The following NOL4 variants were observed in gnomAD, a reference collection of about 807,000 sequenced individuals.
NOL4 encodes cancer/testis antigen 125.
In NOL4, 17 loss-of-function variants were observed where a neutral mutation model predicts 75.9. That is an observed-to-expected ratio of 0.22 (90% CI 0.15 to 0.34). NOL4 has a LOEUF of 0.34. NOL4 is among the 10% of genes least tolerant of loss of function. The pLI is 1.00. For missense variants in NOL4, 614 were observed against 793.5 expected (o/e 0.77, Z 2.72); for synonymous variants, 292 against 289.9 (o/e 1.01, Z -0.07).
At chr18:33,917,690 G>C (rs541844206) in intron 9 of NOL4, among the ~76,000 whole-genome samples, 1 of 151,986 alleles carries the variant, frequency 6.6e-6, no homozygotes, top group East Asian at 1.9e-4. Context: ...GCTTAGTAGA[G>C]ATGAGGTCTC....
intron 9 of NOL4, among the ~76,000 whole-genome samples, chr18:33,883,857 C>CA (rs35576184): frequency 6.6e-6 from 1 of 152,060 alleles, no homozygotes; most frequent in African/African-American, 2.4e-5. Context: ...AAGCCAACCA[C>CA]AAAAAAACAA....
At chr18:33,965,141 A>G (rs1297051181) in intron 6 of NOL4, among the ~76,000 whole-genome samples, 1 of 152,192 alleles carries the variant, frequency 6.6e-6, no homozygotes, top group Admixed American at 6.5e-5. Flanking sequence ...TAGAGATACA[A>G]GTTAAGATAT....
chr18:34,095,712 C>T, intron 4 of NOL4, among the ~76,000 whole-genome samples: 1 of 151,844 alleles, frequency 6.6e-6, no homozygotes, highest in East Asian at 1.9e-4. Flanking sequence ...ATGGAATATA[C>T]AATACATTCT....
At chr18:34,011,609 A>G (rs943163867) in intron 6 of NOL4, among the ~76,000 whole-genome samples, 5 of 151,848 alleles carry the variant, frequency 3.3e-5, no homozygotes, top group Non-Finnish European at 7.4e-5. Flanking sequence ...TCAAGTGGAA[A>G]AAGACAAGCA....
intron 5 of NOL4, among the ~76,000 whole-genome samples, chr18:34,077,767 T>G (rs984237388): frequency 2.0e-5 from 3 of 152,170 alleles, no homozygotes; most frequent in Non-Finnish European, 4.4e-5. Flanking sequence ...AAATTTGATA[T>G]CAGTAGACCT....
At chr18:34,213,406 C>A (rs1237325804) in intron 1 of NOL4, among the ~76,000 whole-genome samples, 3 of 152,204 alleles carry the variant, frequency 2.0e-5, no homozygotes, top group African/African-American at 7.2e-5. Context: ...TCTCCTACCC[C>A]AGCTTCCTGA....
At chr18:34,201,618 A>G (rs2035749369) in intron 1 of NOL4, among the ~76,000 whole-genome samples, 1 of 151,662 alleles carries the variant, frequency 6.6e-6, no homozygotes, top group Non-Finnish European at 1.5e-5. Context: ...GGTTTTTTTC[A>G]TGGTTTCTTT....
intron 1 of NOL4, among the ~76,000 whole-genome samples, chr18:34,193,489 C>A (rs534105237): frequency 1.3e-5 from 2 of 152,050 alleles, no homozygotes; most frequent in Non-Finnish European, 2.9e-5. Flanking sequence ...ATCAGGATAA[C>A]GCTCAAAATC....
chr18:34,085,084 T>C (rs1034112626), intron 5 of NOL4, among the ~76,000 whole-genome samples: 2 of 152,210 alleles, frequency 1.3e-5, no homozygotes, highest in African/African-American at 4.8e-5. Context: ...AAGTTGGAAA[T>C]GCAGGTGGTC....
intron 1 of NOL4, among the ~76,000 whole-genome samples, chr18:34,209,194 C>CAAAA (rs777403436): frequency 5.3e-5 from 3 of 56,426 alleles, no homozygotes; most frequent in Middle Eastern, 0.011. Flanking sequence ...ACTCTGTCTC[C>CAAAA]AAAAAAAAAA....
intron 5 of NOL4, among the ~76,000 whole-genome samples, chr18:34,088,896 T>C (rs1735808729): frequency 6.6e-6 from 1 of 152,104 alleles, no homozygotes; most frequent in African/African-American, 2.4e-5. Flanking sequence ...TCCTGAAGCA[T>C]TCTTCTTATT....
chr18:34,111,498 A>G (rs1349217025), intron 2 of NOL4, among the ~76,000 whole-genome samples: 1 of 152,052 alleles, frequency 6.6e-6, no homozygotes, highest in Non-Finnish European at 1.5e-5. Flanking sequence ...CCCTTCCACC[A>G]AGAAAGAAAG....
chr18:34,068,440 G>A (rs1476446746), intron 5 of NOL4, among the ~76,000 whole-genome samples: 2 of 151,412 alleles, frequency 1.3e-5, no homozygotes, highest in Admixed American at 6.6e-5. Flanking sequence ...TCACTCCGTC[G>A]CCAGGCTGGA....
intron 5 of NOL4, chr18:34,048,669 G>A: frequency 1.1e-6 from 1 of 914,846 alleles, no homozygotes; most frequent in African/African-American, 1.8e-5. Context: ...TGGGACTACT[G>A]AGATGAGCCT....
rs1177907043 is a variant in NOL4, at chr18:34,039,741, A to G, written c.773-20140T>C. 3.9e-5 allele frequency among the ~76,000 whole-genome samples: 6 copies of G among 152,176 alleles called. No individual in the cohort carries two copies. In the East Asian group the frequency reaches 1.2e-3, roughly 29 times the overall value. On this transcript the variant is annotated intron_variant, in intron 5 of 10. Transcript: ENST00000261592. Reference sequence around the variant, plus strand: ...CCAACAACTGATTCAAAATCATGATATAAAGGAAAAACATATACAGACGGT... The same window carrying G: ...CCAACAACTGATTCAAAATCATGATGTAAAGGAAAAACATATACAGACGGT...
intron 8 of NOL4, 113 bp downstream of exon 8, chr18:33,957,213 C>A: frequency 3.6e-6 from 3 of 830,772 alleles, no homozygotes; most frequent in South Asian, 2.4e-5. Flanking sequence ...CCCCTTTGAC[C>A]TGACATTATG....
intron 1 of NOL4, among the ~76,000 whole-genome samples, chr18:34,220,257 T>C (rs1306252894): frequency 2.0e-5 from 3 of 152,198 alleles, no homozygotes; most frequent in South Asian, 4.1e-4. Flanking sequence ...AAGTAGATAA[T>C]TAGCCTCAGC....
chr18:34,183,451 G>A (rs1309523354), intron 1 of NOL4: 1 of 151,776 alleles, frequency 6.6e-6, no homozygotes, highest in Non-Finnish European at 1.5e-5. Flanking sequence ...ATGTAAACTG[G>A]GTACCGTCAC....
At chr18:33,938,560 T>C (rs1268094994) in intron 9 of NOL4, among the ~76,000 whole-genome samples, 1 of 152,190 alleles carries the variant, frequency 6.6e-6, no homozygotes, top group African/African-American at 2.4e-5. Context: ...CATATGTTTC[T>C]TGGCCGCATA....
Sources: allele counts gnomAD v4.1 joint callset (sites outside exome capture counted in the v4.1 genomes callset), GRCh38; gene constraint gnomAD v4.1.1; transcripts MANE v1.5; gene names NCBI Gene and HGNC (gene_info 2026-07-23, HGNC 2026-07-21).